The following PALMD variants were observed in gnomAD, a reference collection of about 807,000 sequenced individuals.
PALMD encodes palmdelphin.
A neutral mutation model predicts 56.2 loss-of-function variants in PALMD; 42 were observed. That is an observed-to-expected ratio of 0.75 (90% CI 0.58 to 0.97). The LOEUF is 0.97. Ranked by LOEUF, PALMD falls within the 50% of genes least tolerant of loss-of-function variation. The pLI, the probability that PALMD is intolerant of heterozygous loss-of-function variation, is 0.00. For missense variants in PALMD, 660 were observed against 643.8 expected (o/e 1.03, Z -0.27); for synonymous variants, 242 against 222.9 (o/e 1.09, Z -0.76).
Position 99,686,709 on chromosome 1 carries a change from T to C in PALMD, c.285T>C (p.Ala95=), listed in dbSNP as rs749221924. 6 of 1,605,806 alleles carry C rather than the reference T, an allele frequency of 3.7e-6. No homozygotes were observed. The South Asian group carries it at 5.5e-5, about 15-fold the overall frequency. Residue 95 remains alanine, a synonymous_variant, in exon 4 of 8, where the codon GCT becomes GCC. Transcript: ENST00000263174. ...AAGAGATCCAAGATCTTGAAAAAGC[T>C]GAACTGCAAATCTCAACGAAGGAAG... is the stretch of plus-strand genomic sequence containing the variant. ...LEKEIQDLEK[A]ELQISTKEEA... is the part of the protein sequence containing the mutation.
intron 3 of PALMD, among the ~76,000 whole-genome samples, chr1:99,673,710 T>C (rs1653139500): frequency 6.6e-6 from 1 of 152,046 alleles, no homozygotes; most frequent in Non-Finnish European, 1.5e-5. Context: ...GGAGCTTCAC[T>C]TTTAACAAAA....
At chr1:99,646,550 A>T (rs1652448393) in intron 1 of PALMD, among the ~76,000 whole-genome samples, 188 bp downstream of exon 1, 1 of 152,240 alleles carries the variant, frequency 6.6e-6, no homozygotes, top group Non-Finnish European at 1.5e-5. Context: ...ACCTGAGTGC[A>T]GGGCAAACGT....
At position 99,657,341 on chromosome 1, in the gene PALMD, G is replaced by A. The variant is rs1445543523; in HGVS notation, c.46-4978G>A. ...TGTCTATGCGTCATTCTGCTCTCTC[G>A]TCAGTTTCCTGAACATAAGAGCCTG... On this transcript the variant is annotated intron_variant, in intron 1 of 7. Transcript: ENST00000263174. Among the ~76,000 whole-genome samples, 5 of 152,040 alleles carry A rather than the reference G, an allele frequency of 3.3e-5. No homozygotes were observed. In the East Asian group the frequency reaches 5.8e-4, roughly 18 times the overall value.
At chr1:99,650,690 T>C (rs1436552925) in intron 1 of PALMD, among the ~76,000 whole-genome samples, 2 of 152,104 alleles carry the variant, frequency 1.3e-5, no homozygotes, top group African/African-American at 4.8e-5. Context: ...CAAAAAATAT[T>C]CAAAATGTCA....
Position 99,694,289 on chromosome 1 carries a change from G to C in PALMD, c.*227G>C, listed in dbSNP as rs1296091028. The C allele has an allele frequency of 1.3e-5, 5 of 388,286 alleles. No individual in the cohort carries two copies. Among genetic ancestry groups the C allele is most frequent in the Non-Finnish European group, 2.4e-5 (5 of 212,568 alleles). The allele number at this position is 388,286 out of a possible 1,614,324, so 24.1% of individuals were successfully genotyped here. On this transcript the variant is annotated 3_prime_UTR_variant, in exon 8 of 8. Coordinates refer to ENST00000263174, the MANE Select transcript of PALMD (RefSeq NM_017734.5). ...CCAGTTACTTGACACGATTCAGTGGGGGAAAACCAGCATTTTTTATTCTAT... is the reference window on the plus strand; with the variant it reads ...CCAGTTACTTGACACGATTCAGTGGCGGAAAACCAGCATTTTTTATTCTAT...
chr1:99,689,355 A>T lies in PALMD; in HGVS notation c.1095A>T (p.Pro365=). Residue 365 remains proline (P), a synonymous_variant, in exon 7 of 8, where the codon CCA becomes CCT. Transcript: ENST00000263174. The stretch of plus-strand genomic sequence containing the variant: ...TGCAGGACAAAGATGCACCCTCTCC[A>T]AAGCCAAGGCTGAGCCCCAGAGAGA... ...NVMQDKDAPS[P]KPRLSPRETI... is the part of the protein sequence containing the mutation. 2 of 1,613,782 alleles carry T rather than the reference A, an allele frequency of 1.2e-6. No homozygotes were observed. The highest frequency in any genetic ancestry group is 1.7e-6 in the Non-Finnish European group (2 of 1,179,882).
chr1:99,662,472 T>C, intron 2 of PALMD, 73 bp downstream of exon 2: 1 of 914,520 alleles, frequency 1.1e-6, no homozygotes, highest in South Asian at 1.5e-5. Context: ...ATTTCAATAG[T>C]AAAAAAGCTT....
chr1:99,690,356 A>G (rs1050012408), intron 7 of PALMD, among the ~76,000 whole-genome samples: 10 of 152,102 alleles, frequency 6.6e-5, no homozygotes, highest in African/African-American at 2.2e-4. Context: ...GTTTCTCTAT[A>G]TGTCTATAGT....
chr1:99,655,943 CACACAT>C (rs2100855518), intron 1 of PALMD, among the ~76,000 whole-genome samples: 1 of 32,028 alleles, frequency 3.1e-5, no homozygotes, highest in Non-Finnish European at 7.8e-5. Flanking sequence ...CGCACACACA[CACACAT>C]GCACACACAC....
In PALMD at chr1:99,673,007, C is replaced by T. The variant is rs376020170; in HGVS notation, c.251+5241C>T. On this transcript the variant is annotated intron_variant, in intron 3 of 7. Coordinates refer to ENST00000263174, the MANE Select transcript of PALMD (RefSeq NM_017734.5). Reference sequence around the variant, plus strand: ...GAAGCCTTGGATGTCTGTGTGACTACGTGTCATGAGAAAAGCCAAGTGGGC... The same window carrying T: ...GAAGCCTTGGATGTCTGTGTGACTATGTGTCATGAGAAAAGCCAAGTGGGC... Among the ~76,000 whole-genome samples, 36 of 152,182 alleles carry T rather than the reference C, an allele frequency of 2.4e-4. 1 individual carries two copies. The highest frequency in any genetic ancestry group is 7.7e-4 in the African/African-American group (32 of 41,528).
intron 3 of PALMD, among the ~76,000 whole-genome samples, chr1:99,672,465 T>G (rs1159609296): frequency 6.6e-6 from 1 of 152,132 alleles, no homozygotes; most frequent in African/African-American, 2.4e-5. Context: ...GTGCACAAAT[T>G]TATACCTGGT....
At position 99,686,334 on chromosome 1, in the gene PALMD, A is replaced by T. The variant is rs181056590; in HGVS notation, c.252-342A>T. 4.7e-3 allele frequency: 755 copies of T among 159,828 alleles called. 11 individuals are homozygous for T. The highest frequency in any genetic ancestry group is 6.3e-3 in the Admixed American group (97 of 15,504). 9.9% of individuals were successfully genotyped at this position (159,828 alleles called of 1,614,324 possible). Reference sequence around the variant, plus strand: ...CTACAAATGTACCATTCCTTTCGGTACAACTTTAAACTTATGTCTCTGTAT... The same window carrying T: ...CTACAAATGTACCATTCCTTTCGGTTCAACTTTAAACTTATGTCTCTGTAT... On this transcript the variant is annotated intron_variant, in intron 3 of 7. Transcript: ENST00000263174.
At chr1:99,654,813 T>C (rs1016765024) in intron 1 of PALMD, among the ~76,000 whole-genome samples, 4 of 152,160 alleles carry the variant, frequency 2.6e-5, no homozygotes, top group African/African-American at 9.6e-5. Context: ...CTTGGTTGGT[T>C]GGTTGCTTGG....
At chr1:99,647,327 T>G (rs1042326795) in intron 1 of PALMD, among the ~76,000 whole-genome samples, 1 of 152,212 alleles carries the variant, frequency 6.6e-6, no homozygotes, top group Non-Finnish European at 1.5e-5. Flanking sequence ...TCAGGGATTT[T>G]TTGTTGTTGT....
intron 2 of PALMD, among the ~76,000 whole-genome samples, chr1:99,663,675 T>C (rs1652903671): frequency 6.6e-6 from 1 of 152,112 alleles, no homozygotes; most frequent in African/African-American, 2.4e-5. Flanking sequence ...ATGATAGCTC[T>C]CTAGCTATCC....
At chr1:99,678,171 T>C (rs1653256544) in intron 3 of PALMD, among the ~76,000 whole-genome samples, 1 of 151,500 alleles carries the variant, frequency 6.6e-6, no homozygotes. Context: ...TGCCGTGGCA[T>C]GAACTCACTG....
chr1:99,679,976 T>A (rs527707547), intron 3 of PALMD, among the ~76,000 whole-genome samples: 1 of 152,234 alleles, frequency 6.6e-6, no homozygotes, highest in African/African-American at 2.4e-5. Flanking sequence ...TTATAAATGC[T>A]AACACATGAA....
At chr1:99,673,000 G>A (rs1043033067) in intron 3 of PALMD, among the ~76,000 whole-genome samples, 2 of 152,140 alleles carry the variant, frequency 1.3e-5, no homozygotes, top group African/African-American at 4.8e-5. Flanking sequence ...GGATGTCTGT[G>A]TGACTACGTG....
chr1:99,656,458 CT>C (rs1652727501), intron 1 of PALMD, among the ~76,000 whole-genome samples: 2 of 152,074 alleles, frequency 1.3e-5, no homozygotes, highest in African/African-American at 2.4e-5. Context: ...CGCTAGTGTT[CT>C]TTTCAGACCT....
Sources: allele counts gnomAD v4.1 joint callset (sites outside exome capture counted in the v4.1 genomes callset), GRCh38; gene constraint gnomAD v4.1.1; transcripts MANE v1.5; gene names NCBI Gene and HGNC (gene_info 2026-07-23, HGNC 2026-07-21).